CNTNAP2: variants seen among roughly 807,000 people sequenced by gnomAD.
CNTNAP2 encodes contactin-associated protein-like 2.
In CNTNAP2, 98 loss-of-function variants were observed where a neutral mutation model predicts 155.2. The ratio of observed to expected loss-of-function variants is 0.63; its 90% CI spans 0.54 to 0.75. CNTNAP2 has a LOEUF of 0.75. Among genes scored for constraint, CNTNAP2 ranks in the 30% least tolerant of loss-of-function variants. CNTNAP2 has a pLI of 0.00. For missense variants in CNTNAP2, 1,727 were observed against 1,688.1 expected (o/e 1.02, Z -0.40); for synonymous variants, 651 against 631.2 (o/e 1.03, Z -0.47).
chr7:146,811,991 T>A (rs1359109534), intron 2 of CNTNAP2, among the ~76,000 whole-genome samples: 1 of 152,168 alleles, frequency 6.6e-6, no homozygotes, highest in Non-Finnish European at 1.5e-5. Context: ...CTTTCCTTTA[T>A]AAATCACCCA....
intron 1 of CNTNAP2, among the ~76,000 whole-genome samples, chr7:146,412,200 C>T (rs1795876492): frequency 6.6e-6 from 1 of 152,166 alleles, no homozygotes; most frequent in Non-Finnish European, 1.5e-5. Context: ...TGGAGCCCTG[C>T]AGGTCGGCTC....
Position 147,090,351 on chromosome 7 carries a change from GTT to G in CNTNAP2, c.551-17795_551-17794del, listed in dbSNP as rs1491255072. Among the ~76,000 whole-genome samples, 1,394 of 147,846 alleles carry G rather than the reference GTT, an allele frequency of 9.4e-3. 12 individuals carry two copies. The highest frequency in any genetic ancestry group is 0.021 in the African/African-American group (853 of 41,144). On this transcript the variant is annotated intron_variant, in intron 4 of 23. Coordinates refer to ENST00000361727, the MANE Select transcript of CNTNAP2 (RefSeq NM_014141.6). ...TGTGTGTGTGTGTGTGTGTGTGTGT[GTT>G]ACAATTCTCTGGTATTTACAACAAG...
At chr7:148,229,529 G>A in intron 19 of CNTNAP2, 117 bp from the exon 20 acceptor site, 1 of 1,371,146 alleles carries the variant, frequency 7.3e-7, no homozygotes, top group East Asian at 2.5e-5. Context: ...TCAAAAAAAA[G>A]AAAGAAAAGA....
At chr7:147,623,443 G>C (rs550768264) in intron 12 of CNTNAP2, among the ~76,000 whole-genome samples, 1 of 151,972 alleles carries the variant, frequency 6.6e-6, no homozygotes, top group Non-Finnish European at 1.5e-5. Flanking sequence ...AAAACCAGTA[G>C]CATTTCTATA....
intron 1 of CNTNAP2, among the ~76,000 whole-genome samples, chr7:146,583,372 T>C: frequency 6.6e-6 from 1 of 152,060 alleles, no homozygotes; most frequent in East Asian, 1.9e-4. Context: ...TGTAGTTCAA[T>C]CAGTTTTCAA....
chr7:148,073,163 G>C (rs537758242), intron 15 of CNTNAP2, among the ~76,000 whole-genome samples: 3 of 152,196 alleles, frequency 2.0e-5, no homozygotes, highest in Non-Finnish European at 4.4e-5. Flanking sequence ...AAAATCACTG[G>C]TCTAATACAC....
chr7:147,925,202 GGAAGGAAA>G (rs1800369672), intron 14 of CNTNAP2, among the ~76,000 whole-genome samples: 1 of 148,448 alleles, frequency 6.7e-6, no homozygotes, highest in Non-Finnish European at 1.5e-5. Context: ...AAGGAAGGAA[GGAAGGAAA>G]GAAGGAGCAG....
chr7:148,131,539 A>G (rs1307124602), intron 16 of CNTNAP2, among the ~76,000 whole-genome samples: 1 of 152,254 alleles, frequency 6.6e-6, no homozygotes, highest in Non-Finnish European at 1.5e-5. Context: ...CCTCTAAGAG[A>G]AGAAATCAAA....
chr7:146,582,672 G>A (rs1442523662), intron 1 of CNTNAP2, among the ~76,000 whole-genome samples: 2 of 151,984 alleles, frequency 1.3e-5, no homozygotes, highest in Non-Finnish European at 2.9e-5. Context: ...TAGAATATTG[G>A]CAAAAATTAA....
intron 14 of CNTNAP2, among the ~76,000 whole-genome samples, chr7:147,960,910 G>A (rs1377771137): frequency 6.6e-6 from 1 of 151,880 alleles, no homozygotes; most frequent in African/African-American, 2.4e-5. Flanking sequence ...ATGGTGATAA[G>A]TAGAAGCCTG....
At chr7:147,474,180 A>G (rs1034122260) in intron 10 of CNTNAP2, among the ~76,000 whole-genome samples, 8 of 152,150 alleles carry the variant, frequency 5.3e-5, no homozygotes, top group Admixed American at 3.9e-4. Context: ...TAATGCAGGA[A>G]TCCAGGGCTG....
intron 1 of CNTNAP2, among the ~76,000 whole-genome samples, chr7:146,623,082 C>T (rs568939114): frequency 4.9e-4 from 74 of 151,996 alleles, no homozygotes; most frequent in African/African-American, 1.7e-3. Flanking sequence ...GTGGTAGCCC[C>T]CTGGAGAATA....
intron 1 of CNTNAP2, among the ~76,000 whole-genome samples, chr7:146,718,495 T>A (rs1297583363): frequency 1.3e-5 from 2 of 152,138 alleles, no homozygotes; most frequent in African/African-American, 2.4e-5. Flanking sequence ...GGAACCTCTG[T>A]TCCTTAAACC....
intron 10 of CNTNAP2, among the ~76,000 whole-genome samples, chr7:147,485,088 T>C (rs1434723658): frequency 6.6e-6 from 1 of 152,182 alleles, no homozygotes; most frequent in Non-Finnish European, 1.5e-5. Flanking sequence ...AGGACAAATT[T>C]CAGCCTCACA....
chr7:146,472,290 A>G (rs1050104636), intron 1 of CNTNAP2, among the ~76,000 whole-genome samples: 3 of 152,184 alleles, frequency 2.0e-5, no homozygotes, highest in Non-Finnish European at 4.4e-5. Flanking sequence ...CACTATTTAC[A>G]GTGAAGTTTT....
intron 2 of CNTNAP2, among the ~76,000 whole-genome samples, chr7:146,802,075 A>C (rs1802888304): frequency 1.3e-5 from 2 of 152,172 alleles, no homozygotes; most frequent in Non-Finnish European, 2.9e-5. Flanking sequence ...CTGGATAAAA[A>C]ATTACCATAA....
chr7:146,936,281 A>T (rs1245620568), intron 3 of CNTNAP2, among the ~76,000 whole-genome samples: 6 of 152,194 alleles, frequency 3.9e-5, no homozygotes, highest in Admixed American at 3.9e-4. Context: ...ACTTGTGCTA[A>T]GTGTGACATA....
At chr7:148,019,571 C>T (rs750443649) in intron 15 of CNTNAP2, among the ~76,000 whole-genome samples, 13 of 152,018 alleles carry the variant, frequency 8.6e-5, no homozygotes, top group Non-Finnish European at 1.5e-5. Flanking sequence ...ATTCTTGTGC[C>T]TCGGGCTCCT....
intron 1 of CNTNAP2, among the ~76,000 whole-genome samples, chr7:146,764,435 G>T (rs1802160228): frequency 6.6e-6 from 1 of 151,126 alleles, no homozygotes; most frequent in East Asian, 1.9e-4. Context: ...CCAGATTACA[G>T]CTAGGGTAAA....
Sources: gnomAD v4.1 joint callset for allele counts (sites outside exome capture counted in the v4.1 genomes callset) on GRCh38, gnomAD v4.1.1 for gene constraint, MANE v1.5 for transcripts, NCBI Gene and HGNC (gene_info 2026-07-23, HGNC 2026-07-21) for gene names.